Variants in CD248 observed in about 807,000 individuals in gnomAD.
CD248 encodes endosialin.
In CD248, 7 loss-of-function variants were observed where a neutral mutation model predicts 8.0. That is an observed-to-expected ratio of 0.88 (90% CI 0.50 to 1.64). The LOEUF is 1.64. CD248 is among the 40% of genes most tolerant of loss of function. The pLI is 0.00. For missense variants in CD248, 912 were observed against 1,027.2 expected (o/e 0.89, Z 1.53); for synonymous variants, 418 against 437.1 (o/e 0.96, Z 0.54).
rs554499998 is a variant in CD248, at chr11:66,316,574, C to G, written c.454G>C (p.Asp152His). 6.2e-7 allele frequency: 1 copy of G among 1,600,744 alleles called. No homozygotes were observed. The highest frequency in any genetic ancestry group is 2.2e-5 in the East Asian group (1 of 44,854). Residue 152 changes from aspartate to histidine, a missense_variant, in exon 1 of 1, where the codon GAC (aspartate) becomes CAC (histidine). Asp to His is a moderately conservative substitution (Grantham distance 81). Coordinates refer to ENST00000311330, the MANE Select transcript of CD248 (RefSeq NM_020404.3). ...WLEGSCTLAV[D>H]GYLCQFGFEG... ...AAGCCAAACTGGCACAGGTAGCCGT[C>G]GACAGCCAGCGTGCACGAGCCCTCC...
rs1347909861 is a variant in CD248, at chr11:66,315,911, C to T, written c.1117G>A (p.Glu373Lys). ...DLGDELLDDG[E>K]DEEDEDEAWK... ...GCCTCGTCTTCATCTTCCTCATCCTCCCCGTCATCCAGCAACTCATCTCCG... is the reference window on the plus strand; with the variant it reads ...GCCTCGTCTTCATCTTCCTCATCCTTCCCGTCATCCAGCAACTCATCTCCG... Residue 373 changes from glutamate (E) to lysine (K), a missense_variant, in exon 1 of 1, where the codon GAG becomes AAG. Transcript: ENST00000311330. The surrounding 1 kb of genome is among the most constrained non-coding windows in gnomAD (Gnocchi z 4.3). 2 of 1,613,480 alleles carry T rather than the reference C, an allele frequency of 1.2e-6. No individual in the cohort carries two copies. The highest frequency in any genetic ancestry group is 1.7e-6 in the Non-Finnish European group (2 of 1,180,016).
chr11:66,316,738 T>C lies in CD248; in HGVS notation c.290A>G (p.Gln97Arg). 1 of 1,603,184 alleles carries C rather than the reference T, an allele frequency of 6.2e-7. No homozygotes were observed. The highest frequency in any genetic ancestry group is 2.2e-5 in the East Asian group (1 of 44,846). Residue 97 changes from glutamine to arginine, a missense_variant, in exon 1 of 1, where the codon CAG becomes CGG. Physicochemically the swap from Gln to Arg is conservative, Grantham distance 43. Transcript: ENST00000311330. The stretch of plus-strand genomic sequence containing the variant: ...CCACGTGAAGCCGCGCAGTGGGCGC[T>C]GCAGCTGGCATTGCCGGGCCTGCCG... ...LQRQARQCQL[Q>R]RPLRGFTWTT...
In CD248 at chr11:66,315,718, C is replaced by A; in HGVS notation, c.1310G>T (p.Arg437Met). ...GAGCACTGAGGAGTGGTAGGGGACCCTGGGGGCACTGAGCGGGGGTGGCCA... is the reference window on the plus strand; with the variant it reads ...GAGCACTGAGGAGTGGTAGGGGACCATGGGGGCACTGAGCGGGGGTGGCCA... Reference protein sequence around the residue: ...PTWPPPLSAPRVPYHSSVLSV... With the variant: ...PTWPPPLSAPMVPYHSSVLSV... Residue 437 changes from arginine to methionine, a missense_variant, in exon 1 of 1, where the codon AGG becomes ATG. Arg to Met is a moderately conservative substitution (Grantham distance 91, BLOSUM62 -1). Transcript: ENST00000311330. This position sits in a 1 kb window ranked among gnomAD's most constrained non-coding sequence, Gnocchi z 4.3. 2 of 1,611,328 alleles carry A rather than the reference C, an allele frequency of 1.2e-6. No homozygotes were observed. The highest frequency in any genetic ancestry group is 1.1e-5 in the South Asian group (1 of 90,918).
rs771006213 is a variant in CD248, at chr11:66,315,413, C to T, written c.1615G>A (p.Ala539Thr). 1.4e-5 allele frequency: 23 copies of T among 1,611,858 alleles called. No homozygotes were observed. Among genetic ancestry groups the T allele is most frequent in the South Asian group, 3.3e-5 (3 of 90,924 alleles). ...QSPMFPDTRV[A>T]GTQTTTHLPG... ...AAATGAGTGGTGGTCTGGGTGCCAGCGACCCGGGTGTCTGGAAACATGGGG... is the reference window on the plus strand; with the variant it reads ...AAATGAGTGGTGGTCTGGGTGCCAGTGACCCGGGTGTCTGGAAACATGGGG... The change falls in exon 1 of 1, where the codon GCT becomes ACT. Residue 539 changes from alanine (A) to threonine (T), a missense_variant. Transcript: ENST00000311330. This position sits in a 1 kb window ranked among gnomAD's most constrained non-coding sequence, Gnocchi z 4.3.
chr11:66,315,278 T>C lies in CD248; in HGVS notation c.1750A>G (p.Ile584Val), dbSNP rs772573119. ...VLRTQATQLP[I>V]IPTAQPSLTT... The stretch of plus-strand genomic sequence containing the variant: ...AGAGAGGGCTGGGCAGTTGGGATAA[T>C]GGGAAGCTGGGTGGCCTGGGTTCTG... The change falls in exon 1 of 1, where the codon ATT (isoleucine) becomes GTT (valine). Residue 584 changes from isoleucine to valine, a missense_variant. Coordinates refer to ENST00000311330, the MANE Select transcript of CD248 (RefSeq NM_020404.3). The surrounding 1 kb of genome is among the most constrained non-coding windows in gnomAD (Gnocchi z 4.3). The C allele has an allele frequency of 5.2e-6, 8 of 1,540,132 alleles. No homozygotes were observed. In the East Asian group the frequency reaches 1.6e-4, roughly 30 times the overall value.
rs760488802 is a variant in CD248, at chr11:66,316,707, T to C, written c.321A>G (p.Thr107=). Residue 107 remains threonine, a synonymous_variant, in exon 1 of 1, where the codon ACA becomes ACG. Transcript: ENST00000311330. ...TGGTGAAAGCCGTGTCCTGGTCCCC[T>C]GTGGTCCACGTGAAGCCGCGCAGTG... ...QRPLRGFTWT[T]GDQDTAFTNW... is the part of the protein sequence containing the mutation. 12 of 1,606,486 alleles carry C rather than the reference T, an allele frequency of 7.5e-6. No homozygotes were observed. The Admixed American group carries it at 1.3e-4, about 18-fold the overall frequency.
Position 66,316,822 on chromosome 11 carries a change from C to T in CD248, c.206G>A (p.Arg69His), listed in dbSNP as rs751114440. 47 of 1,574,328 alleles carry T rather than the reference C, an allele frequency of 3.0e-5. No homozygotes were observed. The highest frequency in any genetic ancestry group is 9.0e-5 in the South Asian group (8 of 89,248). Residue 69 changes from arginine to histidine, a missense_variant, in exon 1 of 1, where the codon CGT (arginine) becomes CAT (histidine). Transcript: ENST00000311330. ...GCCCGCACCCACCAGGCTGTCCACA[C>T]GCTGGGCCTCCTCGGGGGTCCGAGG... ...ATPRTPEEAQ[R>H]VDSLVGAGPA... is the part of the protein sequence containing the mutation.
chr11:66,315,281 G>A lies in CD248; in HGVS notation c.1747C>T (p.Pro583Ser), dbSNP rs760263096. 4.7e-5 allele frequency: 73 copies of A among 1,542,706 alleles called. No individual in the cohort carries two copies. The highest frequency in any genetic ancestry group is 5.9e-5 in the Non-Finnish European group (67 of 1,144,440). Residue 583 changes from proline (P) to serine (S), a missense_variant, in exon 1 of 1, where the codon CCC becomes TCC. Around this residue, in one of 3 missense-constraint regions of CD248, gnomAD observed 507 missense variants for 562.2 expected, o/e 0.90. Coordinates refer to ENST00000311330, the MANE Select transcript of CD248 (RefSeq NM_020404.3). This position sits in a 1 kb window ranked among gnomAD's most constrained non-coding sequence, Gnocchi z 4.3. ...GAGGGCTGGGCAGTTGGGATAATGG[G>A]AAGCTGGGTGGCCTGGGTTCTGAGG... is the stretch of plus-strand genomic sequence containing the variant. ...LVLRTQATQL[P>S]IIPTAQPSLT...
In CD248 at chr11:66,316,525, T is replaced by G. The variant is rs909334458; in HGVS notation, c.503A>C (p.Gln168Pro). The G allele has an allele frequency of 1.9e-6, 3 of 1,598,820 alleles. No individual in the cohort carries two copies. The highest frequency in any genetic ancestry group is 2.5e-6 in the Non-Finnish European group (3 of 1,179,298). The change falls in exon 1 of 1, where the codon CAA becomes CCA. Residue 168 changes from glutamine to proline, a missense_variant. Physicochemically the swap from Gln to Pro is moderately conservative, Grantham distance 76 (BLOSUM62 -1). This residue lies in a region of CD248 where 403 missense variants were observed against 446.2 expected (regional missense o/e 0.90). Coordinates refer to ENST00000311330, the MANE Select transcript of CD248 (RefSeq NM_020404.3). ...FGFEGACPAL[Q>P]DEAGQAGPAV... The stretch of plus-strand genomic sequence containing the variant: ...TGGGCCGGCCTGGCCCGCCTCATCT[T>G]GCAGCGCCGGGCAGGCGCCCTCGAA...
rs774254770 is a variant in CD248, at chr11:66,316,872, G to C, written c.156C>G (p.Arg52=). 2.6e-6 allele frequency: 4 copies of C among 1,547,514 alleles called. No individual in the cohort carries two copies. Among genetic ancestry groups the C allele is most frequent in the Admixed American group, 1.9e-5 (1 of 51,998 alleles). Residue 52 remains arginine (R), a synonymous_variant, in exon 1 of 1, where the codon CGC becomes CGG. Transcript: ENST00000311330. ...RTFLEAWRAC[R]ELGGDLATPR... Reference sequence around the variant, plus strand: ...GAGTGGCCAGGTCGCCCCCCAGCTCGCGGCAGGCCCGCCAGGCCTCCAGGA... The same window carrying C: ...GAGTGGCCAGGTCGCCCCCCAGCTCCCGGCAGGCCCGCCAGGCCTCCAGGA...
In CD248 at chr11:66,316,369, C is replaced by G. The variant is rs771739881; in HGVS notation, c.659G>C (p.Gly220Ala). ...SLLCVKQPEG[G>A]VGWSRAGPLC... ...GGGCCCAGCCCGTGACCAGCCCACACCTCCCTCAGGCTGCTTCACGCAGAG... is the reference window on the plus strand; with the variant it reads ...GGGCCCAGCCCGTGACCAGCCCACAGCTCCCTCAGGCTGCTTCACGCAGAG... Residue 220 changes from glycine to alanine, a missense_variant, in exon 1 of 1, where the codon GGT (glycine) becomes GCT (alanine). Coordinates refer to ENST00000311330, the MANE Select transcript of CD248 (RefSeq NM_020404.3). 5 of 1,611,652 alleles carry G rather than the reference C, an allele frequency of 3.1e-6. No homozygotes were observed. The highest frequency in any genetic ancestry group is 3.4e-6 in the Non-Finnish European group (4 of 1,179,928).
rs1329257564 is a variant in CD248 at position 66,316,711 on chromosome 11, G to A, written c.317C>T (p.Thr106Ile). Residue 106 changes from threonine to isoleucine, a missense_variant, in exon 1 of 1, where the codon ACC (threonine) becomes ATC (isoleucine). This residue lies in a region of CD248 where 403 missense variants were observed against 446.2 expected (regional missense o/e 0.90). Coordinates refer to ENST00000311330, the MANE Select transcript of CD248 (RefSeq NM_020404.3). The stretch of plus-strand genomic sequence containing the variant: ...GAAAGCCGTGTCCTGGTCCCCTGTG[G>A]TCCACGTGAAGCCGCGCAGTGGGCG... ...LQRPLRGFTW[T>I]TGDQDTAFTN... is the part of the protein sequence containing the mutation. 1.9e-6 allele frequency: 3 copies of A among 1,606,424 alleles called. No homozygotes were observed. Among genetic ancestry groups the A allele is most frequent in the Non-Finnish European group, 2.5e-6 (3 of 1,179,560 alleles).
Position 66,315,351 on chromosome 11 carries a change from G to A in CD248, c.1677C>T (p.Thr559=). The change falls in exon 1 of 1, where the codon ACC becomes ACT. Residue 559 remains threonine, a synonymous_variant. Transcript: ENST00000311330. This position sits in a 1 kb window ranked among gnomAD's most constrained non-coding sequence, Gnocchi z 4.3. ...GIPPNHAPLV[T]TLGAQLPPQA... ...GAGGGGGTAGCTGGGCACCGAGGGT[G>A]GTGACCAGAGGGGCATGGTTAGGTG... 2 of 1,591,840 alleles carry A rather than the reference G, an allele frequency of 1.3e-6. No homozygotes were observed. The highest frequency in any genetic ancestry group is 1.3e-5 in the African/African-American group (1 of 74,678).
In CD248 at chr11:66,316,344, G is replaced by A. The variant is rs750447770; in HGVS notation, c.684C>T (p.Pro228=). 2 of 1,612,754 alleles carry A rather than the reference G, an allele frequency of 1.2e-6. No individual in the cohort carries two copies. The highest frequency in any genetic ancestry group is 1.7e-5 in the Admixed American group (1 of 60,032). The change falls in exon 1 of 1, where the codon CCC becomes CCT. Residue 228 remains proline, a synonymous_variant. Coordinates refer to ENST00000311330, the MANE Select transcript of CD248 (RefSeq NM_020404.3). The stretch of plus-strand genomic sequence containing the variant: ...GGCTGCAGCCAGTCCCCAGGCACAG[G>A]GGCCCAGCCCGTGACCAGCCCACAC... ...EGGVGWSRAG[P]LCLGTGCSPD... is the part of the protein sequence containing the mutation.
Position 66,315,018 on chromosome 11 carries a change from G to A in CD248, c.2010C>T (p.Ala670=). The change falls in exon 1 of 1, where the codon GCC becomes GCT. Residue 670 remains alanine, a synonymous_variant. Coordinates refer to ENST00000311330, the MANE Select transcript of CD248 (RefSeq NM_020404.3). The surrounding 1 kb of genome is among the most constrained non-coding windows in gnomAD (Gnocchi z 4.3). ...GCTCGGCAAGACCAGCCTCCCCCAG[G>A]GCTGTTGGGGCTGCTGTGGGAGCTG... The part of the protein sequence containing the change: ...PSPAPTAAPT[A]LGEAGLAEHS... 6.2e-7 allele frequency: 1 copy of A among 1,602,532 alleles called. No individual in the cohort carries two copies. Among genetic ancestry groups the A allele is most frequent in the Non-Finnish European group, 8.5e-7 (1 of 1,173,100 alleles).
In CD248 at chr11:66,314,880, A is replaced by C. The variant is rs1345121341; in HGVS notation, c.2148T>G (p.His716Gln). The change falls in exon 1 of 1, where the codon CAT becomes CAG. Residue 716 changes from histidine to glutamine, a missense_variant. By Grantham distance (24) the His-to-Gln change is conservative. Transcript: ENST00000311330. The surrounding 1 kb of genome is among the most constrained non-coding windows in gnomAD (Gnocchi z 4.0). ...GIVYCTRCGP[H>Q]APNKRITDCY... ...AGTCAGTGATGCGCTTGTTGGGTGCATGGGGGCCACAGCGGGTGCAGTACA... is the reference window on the plus strand; with the variant it reads ...AGTCAGTGATGCGCTTGTTGGGTGCCTGGGGGCCACAGCGGGTGCAGTACA... 1 of 1,610,378 alleles carries C rather than the reference A, an allele frequency of 6.2e-7. No homozygotes were observed. The highest frequency in any genetic ancestry group is 8.5e-7 in the Non-Finnish European group (1 of 1,178,742).
Position 66,315,156 on chromosome 11 carries a change from C to T in CD248, c.1872G>A (p.Gln624=), listed in dbSNP as rs775472079. The T allele has an allele frequency of 1.6e-5, 25 of 1,528,322 alleles. No homozygotes were observed. The South Asian group carries it at 3.2e-4, about 20-fold the overall frequency. The allele number at this position is 1,528,322 out of a possible 1,614,324, so 94.7% of individuals were successfully genotyped here. The change falls in exon 1 of 1, where the codon CAG becomes CAA. Residue 624 remains glutamine, a synonymous_variant. Coordinates refer to ENST00000311330, the MANE Select transcript of CD248 (RefSeq NM_020404.3). This position sits in a 1 kb window ranked among gnomAD's most constrained non-coding sequence, Gnocchi z 4.3. ...TGGGTGAGGTCTGGTTAGTGGGGCTCTGAGAGGGCAGGAGGGTGGGGAGGG... is the reference window on the plus strand; with the variant it reads ...TGGGTGAGGTCTGGTTAGTGGGGCTTTGAGAGGGCAGGAGGGTGGGGAGGG... ...PAALPTLLPS[Q]SPTNQTSPIS... is the part of the protein sequence containing the mutation.
Position 66,315,485 on chromosome 11 carries a change from G to A in CD248, c.1543C>T (p.Pro515Ser), listed in dbSNP as rs373125199. 2 of 1,614,004 alleles carry A rather than the reference G, an allele frequency of 1.2e-6. No homozygotes were observed. The highest frequency in any genetic ancestry group is 2.2e-5 in the South Asian group (2 of 91,078). The change falls in exon 1 of 1, where the codon CCT becomes TCT. Residue 515 changes from proline (P) to serine (S), a missense_variant. By Grantham distance (74) the Pro-to-Ser change is moderately conservative. Around this residue, in one of 3 missense-constraint regions of CD248, gnomAD observed 507 missense variants for 562.2 expected, o/e 0.90. Coordinates refer to ENST00000311330, the MANE Select transcript of CD248 (RefSeq NM_020404.3). This position sits in a 1 kb window ranked among gnomAD's most constrained non-coding sequence, Gnocchi z 4.3. ...HSAQPPAHQP[P>S]MISTKYPELF... is the part of the protein sequence containing the mutation. Reference sequence around the variant, plus strand: ...TCCGGATATTTGGTTGAGATCATAGGGGGCTGGTGGGCAGGAGGCTGTGCT... The same window carrying A: ...TCCGGATATTTGGTTGAGATCATAGAGGGCTGGTGGGCAGGAGGCTGTGCT...
In CD248 at chr11:66,316,836, G is replaced by A; in HGVS notation, c.192C>T (p.Pro64=). Residue 64 remains proline (P), a synonymous_variant, in exon 1 of 1, where the codon CCC becomes CCT. Coordinates refer to ENST00000311330, the MANE Select transcript of CD248 (RefSeq NM_020404.3). ...LGGDLATPRT[P]EEAQRVDSLV... ...GGCTGTCCACACGCTGGGCCTCCTC[G>A]GGGGTCCGAGGAGTGGCCAGGTCGC... 13 of 1,562,896 alleles carry A rather than the reference G, an allele frequency of 8.3e-6. No homozygotes were observed. Among genetic ancestry groups the A allele is most frequent in the Non-Finnish European group, 1.1e-5 (13 of 1,161,392 alleles).
Sources: allele counts gnomAD v4.1 joint callset, GRCh38; gene constraint gnomAD v4.1.1; regional missense constraint gnomAD v4.1.1; non-coding constraint Gnocchi (gnomAD v3.1); transcripts MANE v1.5; gene names NCBI Gene and HGNC (gene_info 2026-07-23, HGNC 2026-07-21).